The following TOGARAM2 variants were observed in gnomAD, a reference collection of about 807,000 sequenced individuals.
TOGARAM2 encodes the protein TOG array regulator of axonemal microtubules protein 2.
TOGARAM2 carries 85 observed loss-of-function variants against 93.3 expected under a neutral mutation model. The observed-to-expected ratio is 0.91, with a 90% CI of 0.76 to 1.09. The LOEUF (loss-of-function observed/expected upper bound fraction) is 1.09. Ranked by LOEUF, TOGARAM2 falls within the 50% of genes least tolerant of loss-of-function variation. The pLI, the probability that TOGARAM2 is intolerant of heterozygous loss-of-function variation, is 0.00. For missense variants in TOGARAM2, 1,277 were observed against 1,334.5 expected, an observed-to-expected ratio of 0.96 and a Z score of 0.67; for synonymous variants, 593 against 552.8, an observed-to-expected ratio of 1.07 and a Z score of -1.02.
rs980056583 is a variant in TOGARAM2, at chr2:28,988,679, C to G, written c.-110-6046C>G. 1.9e-4 allele frequency among the ~76,000 whole-genome samples: 29 copies of G among 152,222 alleles called. 1 individual carries two copies. Among genetic ancestry groups the G allele is most frequent in the African/African-American group, 6.5e-4 (27 of 41,454 alleles). ...ACAGCTTCATCCACCCTTCATTCCC[C>G]TCCAGCTACTCTCCAACCTCTCTCC... is the stretch of plus-strand genomic sequence containing the variant. On this transcript the variant is annotated intron_variant, in intron 1 of 19. Transcript: ENST00000379558.
intron 19 of TOGARAM2, chr2:29,046,031 T>G (rs1369586951): frequency 2.5e-5 from 4 of 157,864 alleles, no homozygotes; most frequent in Admixed American, 6.1e-5. Flanking sequence ...AAAGTTGCCA[T>G]GTACAACTTT....
chr2:28,968,290 T>C (rs916336573), intron 1 of TOGARAM2, among the ~76,000 whole-genome samples: 1 of 152,206 alleles, frequency 6.6e-6, no homozygotes, highest in African/African-American at 2.4e-5. Flanking sequence ...GGTCTTCTCT[T>C]TTTAATGGTT....
At chr2:28,992,735 A>G (rs1246970054) in intron 1 of TOGARAM2, among the ~76,000 whole-genome samples, 1 of 152,196 alleles carries the variant, frequency 6.6e-6, no homozygotes, top group African/African-American at 2.4e-5. Flanking sequence ...ACTACAGACC[A>G]GTGATTTTTT....
At chr2:29,005,296 ATG>A (rs767503988) in intron 6 of TOGARAM2, among the ~76,000 whole-genome samples, 62 of 94,986 alleles carry the variant, frequency 6.5e-4, no homozygotes, top group East Asian at 1.3e-3. Context: ...GTGTGTGTGC[ATG>A]TGTGTGTGTG....
chr2:29,006,072 TGAGAGCAC>T (rs1663777470), intron 6 of TOGARAM2, among the ~76,000 whole-genome samples: 1 of 112,750 alleles, frequency 8.9e-6, no homozygotes, highest in African/African-American at 3.2e-5. Flanking sequence ...TGTGTATGTG[TGAGAGCAC>T]GTGTGTGTGT....
chr2:28,999,656 G>A (rs748723375), intron 4 of TOGARAM2, among the ~76,000 whole-genome samples, 188 bp downstream of exon 4: 39 of 152,232 alleles, frequency 2.6e-4, no homozygotes, highest in Non-Finnish European at 4.6e-4. Flanking sequence ...CCTCCCTCCC[G>A]GGCTCTGCAG....
At chr2:28,995,997 G>A (rs762547226) in intron 2 of TOGARAM2, among the ~76,000 whole-genome samples, 4 of 152,220 alleles carry the variant, frequency 2.6e-5, no homozygotes, top group African/African-American at 4.8e-5. Flanking sequence ...CACAGTGACT[G>A]TTCCTAGGGA....
chr2:29,001,504 C>CT (rs56716343), intron 4 of TOGARAM2, among the ~76,000 whole-genome samples: 3,043 of 140,666 alleles, frequency 0.022, 113 homozygotes, highest in African/African-American at 0.07. Flanking sequence ...CCCAGCTAAT[C>CT]TTTTTTTTTT....
rs948453374 is a variant in TOGARAM2, at chr2:29,026,893, C to T, written c.1894C>T (p.Leu632Phe). The T allele has an allele frequency of 8.8e-6, 14 of 1,593,526 alleles. No individual in the cohort carries two copies. The highest frequency in any genetic ancestry group is 5.2e-5 in the Admixed American group (3 of 57,376). The change falls in exon 14 of 20, where the codon CTC becomes TTC. Residue 632 changes from leucine to phenylalanine, a missense_variant. Leu to Phe is a conservative substitution (Grantham distance 22). Coordinates refer to ENST00000379558, the MANE Select transcript of TOGARAM2 (RefSeq NM_199280.4). ...GATCCGGAAATACGCGGCTGAGCAC[C>T]TCTCAGCTGTGCTGGAGCAGATCGG... is the stretch of plus-strand genomic sequence containing the variant. ...PLIRKYAAEH[L>F]SAVLEQIGAE...
rs1301210633 is a variant in TOGARAM2 at position 28,998,171 on chromosome 2, C to G, written c.57C>G (p.Tyr19Ter). 3.1e-6 allele frequency: 5 copies of G among 1,610,948 alleles called. No homozygotes were observed. The highest frequency in any genetic ancestry group is 4.2e-6 in the Non-Finnish European group (5 of 1,178,826). Reference sequence around the variant, plus strand: ...AGGTCCTGGTCCCCGTGGCCGTGTACTGCGGGAGCATCCCTCGGACCAGTG... The same window carrying G: ...AGGTCCTGGTCCCCGTGGCCGTGTAGTGCGGGAGCATCCCTCGGACCAGTG... ...EAKVLVPVAV[Y>*]CGSIPRTSAG... The change falls in exon 3 of 20, where the codon TAC becomes TAG. Residue 19 changes from tyrosine (Y) to a stop codon, truncating the protein, a stop_gained. Transcript: ENST00000379558. LOFTEE classifies it high-confidence loss of function.
At chr2:28,957,140 A>G (rs13020792) in intron 1 of TOGARAM2, among the ~76,000 whole-genome samples, 62,282 of 151,876 alleles carry the variant, frequency 0.41, 13,521 homozygotes, top group Middle Eastern at 0.54. Flanking sequence ...AACAAATCCT[A>G]TGGGAATTTT....
intron 14 of TOGARAM2, among the ~76,000 whole-genome samples, chr2:29,032,355 A>G (rs1179357184): frequency 6.6e-6 from 1 of 152,050 alleles, no homozygotes; most frequent in Non-Finnish European, 1.5e-5. Flanking sequence ...AATCCCACCC[A>G]ACTTGTGAAC....
chr2:29,037,517 G>A (rs1402343100), intron 18 of TOGARAM2, among the ~76,000 whole-genome samples: 1 of 152,130 alleles, frequency 6.6e-6, no homozygotes, highest in Non-Finnish European at 1.5e-5. Flanking sequence ...CTTGCCTTTA[G>A]CATCCAAAGA....
chr2:29,048,531 A>T (rs1158069395), intron 19 of TOGARAM2: 3 of 152,058 alleles, frequency 2.0e-5, no homozygotes, highest in African/African-American at 4.8e-5. Flanking sequence ...GCAACCACCA[A>T]CTACTTTCTG....
At chr2:29,026,618 C>A (rs1665386317) in intron 13 of TOGARAM2, among the ~76,000 whole-genome samples, 1 of 152,210 alleles carries the variant, frequency 6.6e-6, no homozygotes, top group Admixed American at 6.5e-5. Flanking sequence ...TATTGGGGAA[C>A]CTCGTGTAGC....
intron 6 of TOGARAM2, among the ~76,000 whole-genome samples, chr2:29,010,227 C>T (rs1664152747): frequency 6.6e-6 from 1 of 152,154 alleles, no homozygotes; most frequent in Non-Finnish European, 1.5e-5. Context: ...CTTCCCCTCC[C>T]CGCCCGCCTC....
chr2:29,025,944 G>A (rs1432768120), intron 13 of TOGARAM2, among the ~76,000 whole-genome samples: 1 of 152,148 alleles, frequency 6.6e-6, no homozygotes, highest in East Asian at 1.9e-4. Context: ...ACTCCAGCCA[G>A]GACACTAGGT....
chr2:28,972,235 C>A (rs564813233), intron 1 of TOGARAM2, among the ~76,000 whole-genome samples: 1 of 152,132 alleles, frequency 6.6e-6, no homozygotes, highest in Admixed American at 6.6e-5. Flanking sequence ...ATTATAGGCA[C>A]GTGCCAGCAC....
chr2:29,036,818 A>G lies in TOGARAM2; in HGVS notation c.2635+61A>G, dbSNP rs1666143928. On this transcript the variant is annotated intron_variant, in intron 18 of 19. Coordinates refer to ENST00000379558, the MANE Select transcript of TOGARAM2 (RefSeq NM_199280.4). ...ACCATGTCCACCCTCCTGCTTGGAA[A>G]TCTGCAAGGTGGATAAGGCCTTGGT... is the stretch of plus-strand genomic sequence containing the variant. The G allele has an allele frequency of 2.0e-6, 3 of 1,513,274 alleles. No individual in the cohort carries two copies. The African/African-American group carries it at 4.1e-5, about 21-fold the overall frequency. The allele number at this position is 1,513,274 out of a possible 1,614,324, so 93.7% of individuals were successfully genotyped here.
Sources: gnomAD v4.1 joint callset for allele counts (sites outside exome capture counted in the v4.1 genomes callset) on GRCh38, gnomAD v4.1.1 for gene constraint, MANE v1.5 for transcripts, NCBI Gene and HGNC (gene_info 2026-07-23, HGNC 2026-07-21) for gene names.